The following PDE7B variants were observed in gnomAD, a reference collection of about 807,000 sequenced individuals.
PDE7B encodes 3',5'-cyclic-AMP phosphodiesterase 7B.
In PDE7B, 29 loss-of-function variants were observed where a neutral mutation model predicts 56.2. The ratio of observed to expected loss-of-function variants is 0.52; its 90% CI spans 0.38 to 0.70. PDE7B has a LOEUF of 0.70. Ranked by LOEUF, PDE7B falls within the 30% of genes least tolerant of loss-of-function variation. The probability of loss-of-function intolerance (pLI) is 0.00; values close to 1 mark genes in which losing one functional copy is unlikely to be tolerated. For missense variants in PDE7B, 490 were observed against 565.0 expected, an observed-to-expected ratio of 0.87 and a Z score of 1.35; for synonymous variants, 197 against 196.9, an observed-to-expected ratio of 1.00 and a Z score of 0.00.
In PDE7B at chr6:136,186,488, A is replaced by AG. The variant is rs1195101238; in HGVS notation, c.1046-546dup. Among the ~76,000 whole-genome samples the AG allele has an allele frequency of 4.6e-5, 7 of 152,244 alleles. No individual in the cohort carries two copies. The East Asian group carries it at 1.4e-3, about 29-fold the overall frequency. ...ACTTTTTTTCACCTTCAGTTGCATTAGGTAAAATTCTAAGGAATCAGAATG... is the reference window on the plus strand; with the variant it reads ...ACTTTTTTTCACCTTCAGTTGCATTAGGGTAAAATTCTAAGGAATCAGAATG... On this transcript the variant is annotated intron_variant, in intron 11 of 12. Coordinates refer to ENST00000308191, the MANE Select transcript of PDE7B (RefSeq NM_018945.4).
intron 1 of PDE7B, among the ~76,000 whole-genome samples, chr6:135,935,072 A>C (rs1242434067): frequency 2.4e-5 from 2 of 82,122 alleles, no homozygotes; most frequent in Non-Finnish European, 4.2e-5. Context: ...GTATATATTT[A>C]TATATAAATA....
chr6:136,187,104 A>C lies in PDE7B; in HGVS notation c.1114A>C (p.Ser372Arg), dbSNP rs1236784326. The C allele has an allele frequency of 1.3e-6, 2 of 1,545,646 alleles. No homozygotes were observed. The highest frequency in any genetic ancestry group is 1.4e-5 in the African/African-American group (1 of 73,516). The stretch of plus-strand genomic sequence containing the variant: ...TAATCAACAGAAAGATTCCATCCCT[A>C]GTATACAAATTGGTGAGTTGAATTC... ...LCNQQKDSIP[S>R]IQIGFMSYIV... Residue 372 changes from serine to arginine, a missense_variant, in exon 12 of 13, where the codon AGT becomes CGT. By Grantham distance (110) the Ser-to-Arg change is moderately radical. Transcript: ENST00000308191.
chr6:135,960,209 C>T (rs1225190713), intron 2 of PDE7B, among the ~76,000 whole-genome samples: 1 of 152,076 alleles, frequency 6.6e-6, no homozygotes, highest in Non-Finnish European at 1.5e-5. Flanking sequence ...CAACATGTGA[C>T]CATACAAATT....
At chr6:135,876,840 C>T (rs1228027850) in intron 1 of PDE7B, among the ~76,000 whole-genome samples, 1 of 150,696 alleles carries the variant, frequency 6.6e-6, no homozygotes, top group Non-Finnish European at 1.5e-5. Flanking sequence ...GCCTGGGTGA[C>T]AGTGAGAGAC....
chr6:136,079,223 C>T (rs1777169408), intron 2 of PDE7B, among the ~76,000 whole-genome samples: 1 of 152,154 alleles, frequency 6.6e-6, no homozygotes, highest in South Asian at 2.1e-4. Flanking sequence ...CAGTGACCCC[C>T]TGTACCCTTA....
At chr6:136,079,726 CAAAAAAAA>C in intron 2 of PDE7B, among the ~76,000 whole-genome samples, 1 of 94,412 alleles carries the variant, frequency 1.1e-5, no homozygotes, top group South Asian at 3.6e-4. Flanking sequence ...ATTAGGAAGA[CAAAAAAAA>C]AAAAAAAAAA....
rs553370259 is a variant in PDE7B at position 135,900,597 on chromosome 6, G to C, written c.22-46867G>C. Among the ~76,000 whole-genome samples the C allele has an allele frequency of 1.2e-4, 18 of 150,330 alleles. No individual in the cohort carries two copies. In the South Asian group the frequency reaches 3.6e-3, roughly 30 times the overall value. ...GATTTTTTTTTTCCATTTCTTTCAC[G>C]TCTTTCTGCTCCTGTGTCATGAAAG... On this transcript the variant is annotated intron_variant, in intron 1 of 12. Coordinates refer to ENST00000308191, the MANE Select transcript of PDE7B (RefSeq NM_018945.4).
chr6:135,944,685 A>G (rs1774563584), intron 1 of PDE7B, among the ~76,000 whole-genome samples: 1 of 152,144 alleles, frequency 6.6e-6, no homozygotes, highest in Non-Finnish European at 1.5e-5. Flanking sequence ...CAGGAGTTTC[A>G]AAAACTCCTC....
At chr6:136,170,166 G>A (rs73555065) in intron 8 of PDE7B, among the ~76,000 whole-genome samples, 16,011 of 152,062 alleles carry the variant, frequency 0.11, 2,799 homozygotes, top group African/African-American at 0.36. Context: ...GTTGAACATC[G>A]TATGGGTGGC....
chr6:136,063,981 G>GT (rs144510008), intron 2 of PDE7B, among the ~76,000 whole-genome samples: 3,397 of 149,274 alleles, frequency 0.023, 133 homozygotes, highest in African/African-American at 0.078. Context: ...TCTCATTAAA[G>GT]TTTTTTTTTT....
chr6:136,075,631 T>G (rs1206427645), intron 2 of PDE7B, among the ~76,000 whole-genome samples: 1 of 152,172 alleles, frequency 6.6e-6, no homozygotes. Flanking sequence ...CAATTCAGAG[T>G]GCCTTCAATG....
chr6:136,191,891 C>A lies in PDE7B; in HGVS notation c.*51C>A. The A allele has an allele frequency of 1.4e-6, 2 of 1,418,792 alleles. No homozygotes were observed. Among genetic ancestry groups the A allele is most frequent in the Non-Finnish European group, 1.9e-6 (2 of 1,034,744 alleles). The allele number at this position is 1,418,792 out of a possible 1,614,324, so 87.9% of individuals were successfully genotyped here. On this transcript the variant is annotated 3_prime_UTR_variant, in exon 13 of 13. Coordinates refer to ENST00000308191, the MANE Select transcript of PDE7B (RefSeq NM_018945.4). ...CTCCTCCGGCAGGGCCCCCAGAGGG[C>A]AGAAGCAGCGTGGAGGGGCCCTCAC...
chr6:136,130,828 A>G (rs1248259147), intron 3 of PDE7B, among the ~76,000 whole-genome samples: 2 of 152,212 alleles, frequency 1.3e-5, no homozygotes, highest in Non-Finnish European at 2.9e-5. Flanking sequence ...GATGAAAGGC[A>G]TGTCTTACAT....
intron 2 of PDE7B, among the ~76,000 whole-genome samples, chr6:135,960,257 T>A (rs1325835042): frequency 1.3e-5 from 2 of 152,150 alleles, no homozygotes; most frequent in East Asian, 3.8e-4. Context: ...AATAAAGGAT[T>A]TTTTCCCTTG....
At chr6:135,869,901 A>C (rs892078964) in intron 1 of PDE7B, among the ~76,000 whole-genome samples, 4 of 152,246 alleles carry the variant, frequency 2.6e-5, no homozygotes, top group African/African-American at 9.6e-5. Flanking sequence ...GATGGGATGG[A>C]AGGAGATGAG....
intron 3 of PDE7B, among the ~76,000 whole-genome samples, chr6:136,127,883 T>G (rs1320889522): frequency 6.6e-6 from 1 of 152,204 alleles, no homozygotes; most frequent in Non-Finnish European, 1.5e-5. Flanking sequence ...AATGAAAACT[T>G]TCCAGGATGA....
chr6:136,111,927 A>C (rs189892477), intron 3 of PDE7B, among the ~76,000 whole-genome samples: 12 of 152,226 alleles, frequency 7.9e-5, no homozygotes, highest in African/African-American at 2.9e-4. Context: ...AGTAAAATCT[A>C]ATCTAGGATT....
chr6:136,138,316 AATTG>A (rs759203924), intron 3 of PDE7B, among the ~76,000 whole-genome samples: 4 of 152,230 alleles, frequency 2.6e-5, no homozygotes, highest in Non-Finnish European at 4.4e-5. Context: ...CTTTATCAAT[AATTG>A]ATTAACACAT....
chr6:136,082,619 T>G (rs1385266980), intron 2 of PDE7B, among the ~76,000 whole-genome samples: 2 of 152,204 alleles, frequency 1.3e-5, no homozygotes, highest in African/African-American at 2.4e-5. Context: ...CGGCTATGAA[T>G]GAGTTTTCTT....
Sources: gnomAD v4.1 joint callset for allele counts (sites outside exome capture counted in the v4.1 genomes callset) on GRCh38, gnomAD v4.1.1 for gene constraint, MANE v1.5 for transcripts, NCBI Gene and HGNC (gene_info 2026-07-23, HGNC 2026-07-21) for gene names.